The following GRM1 variants were observed in gnomAD, a reference collection of about 807,000 sequenced individuals.
GRM1 encodes the protein metabotropic glutamate receptor 1.
GRM1 carries 33 observed loss-of-function variants against 90.9 expected under a neutral mutation model. The ratio of observed to expected loss-of-function variants is 0.36; its 90% CI spans 0.28 to 0.49. GRM1 has a LOEUF of 0.49. GRM1 is among the 20% of genes least tolerant of loss of function. The pLI is 0.99. For synonymous variants in GRM1, 700 were observed against 613.2 expected (o/e 1.14, Z -2.09); for missense variants, 1,190 against 1,534.3 (o/e 0.78, Z 3.75).
intron 2 of GRM1, among the ~76,000 whole-genome samples, chr6:146,181,109 C>T (rs974073102): frequency 1.3e-5 from 2 of 152,034 alleles, no homozygotes; most frequent in African/African-American, 4.8e-5. Flanking sequence ...CAATAACACA[C>T]CTCAGGTACA....
At chr6:146,257,516 G>GTATATA (rs58614139) in intron 2 of GRM1, among the ~76,000 whole-genome samples, 2 of 149,528 alleles carry the variant, frequency 1.3e-5, no homozygotes, top group Non-Finnish European at 1.5e-5. Flanking sequence ...TAATATGTGT[G>GTATATA]TATATATATA....
chr6:146,063,543 T>G (rs1452230852), intron 1 of GRM1, among the ~76,000 whole-genome samples: 2 of 152,178 alleles, frequency 1.3e-5, no homozygotes, highest in Admixed American at 6.6e-5. Flanking sequence ...TTACTTTTAT[T>G]TTCTTGTTTC....
intron 6 of GRM1, among the ~76,000 whole-genome samples, chr6:146,393,404 G>T (rs928510922): frequency 1.4e-4 from 22 of 151,778 alleles, no homozygotes; most frequent in African/African-American, 5.3e-4. Flanking sequence ...GTAAATTAAA[G>T]TTCCTTGTAG....
At chr6:146,129,525 G>C (rs191538913) in intron 1 of GRM1, among the ~76,000 whole-genome samples, 117 of 152,298 alleles carry the variant, frequency 7.7e-4, no homozygotes, top group African/African-American at 2.7e-3. Flanking sequence ...AGGTGTTACT[G>C]CAGTTCACTG....
intron 2 of GRM1, among the ~76,000 whole-genome samples, chr6:146,232,691 C>A (rs1398756652): frequency 6.6e-6 from 1 of 151,990 alleles, no homozygotes; most frequent in African/African-American, 2.4e-5. Flanking sequence ...ATACCCTTCC[C>A]TTACTAGCAC....
intron 7 of GRM1, among the ~76,000 whole-genome samples, chr6:146,423,025 G>A (rs1778056452): frequency 6.6e-6 from 1 of 150,516 alleles, no homozygotes; most frequent in African/African-American, 2.4e-5. Context: ...AGGAGAGAAG[G>A]GAAAAGAAGA....
intron 5 of GRM1, among the ~76,000 whole-genome samples, chr6:146,384,846 T>A (rs1204252751): frequency 7.2e-5 from 11 of 151,768 alleles, no homozygotes; most frequent in Admixed American, 7.2e-4. Flanking sequence ...ATAACATATC[T>A]AAGAAAAAAA....
At chr6:146,034,522 A>G (rs1473864295) in intron 1 of GRM1, among the ~76,000 whole-genome samples, 1 of 151,982 alleles carries the variant, frequency 6.6e-6, no homozygotes, top group Admixed American at 6.6e-5. Flanking sequence ...GGAGGACTTG[A>G]ATTTTTTCCC....
At chr6:146,315,620 T>C (rs1783939024) in intron 3 of GRM1, among the ~76,000 whole-genome samples, 1 of 152,176 alleles carries the variant, frequency 6.6e-6, no homozygotes, top group African/African-American at 2.4e-5. Flanking sequence ...CCTATATTAA[T>C]CTGGGTCCTA....
chr6:146,209,903 G>C (rs1779627077), intron 2 of GRM1, among the ~76,000 whole-genome samples: 1 of 152,026 alleles, frequency 6.6e-6, no homozygotes, highest in South Asian at 2.1e-4. Context: ...TAAGGGTCTT[G>C]GTGCTCTTAA....
chr6:146,109,274 G>T (rs984698192), intron 1 of GRM1, among the ~76,000 whole-genome samples: 1 of 152,156 alleles, frequency 6.6e-6, no homozygotes, highest in East Asian at 1.9e-4. Context: ...AGGGCTCAGG[G>T]TCCCCATGCT....
intron 2 of GRM1, among the ~76,000 whole-genome samples, chr6:146,274,992 T>C (rs1470220791): frequency 6.6e-6 from 1 of 151,944 alleles, no homozygotes; most frequent in Non-Finnish European, 1.5e-5. Flanking sequence ...ATCGTGCCAC[T>C]GCACTCCAGC....
chr6:146,270,853 CTTTCTT>C lies in GRM1; in HGVS notation c.951-33756_951-33751del, dbSNP rs1562570993. 7.9e-4 allele frequency among the ~76,000 whole-genome samples: 33 copies of C among 41,532 alleles called. 1 individual carries two copies. The highest frequency in any genetic ancestry group is 2.6e-3 in the African/African-American group (31 of 11,810). The allele number at this position is 41,532 out of a possible 152,430, so 27.2% of individuals were successfully genotyped here. A position where few individuals can be genotyped will look rare whatever the true frequency, so the allele number is the denominator to read the frequency against. On this transcript the variant is annotated intron_variant, in intron 2 of 7. Coordinates refer to ENST00000282753, the MANE Select transcript of GRM1 (RefSeq NM_001278064.2). The stretch of plus-strand genomic sequence containing the variant: ...TGCCTGCCTGCCTTTCTTTCTTTTT[CTTTCTT>C]TCTTTCTTTCTTTCTTTCTTTCTTT...
At chr6:146,081,745 G>A (rs929206792) in intron 1 of GRM1, among the ~76,000 whole-genome samples, 4 of 152,126 alleles carry the variant, frequency 2.6e-5, no homozygotes, top group Non-Finnish European at 4.4e-5. Flanking sequence ...GGTGTTGTGC[G>A]AGCTAGGTTG....
chr6:146,108,709 T>G (rs536816799), intron 1 of GRM1, among the ~76,000 whole-genome samples: 1 of 152,144 alleles, frequency 6.6e-6, no homozygotes, highest in East Asian at 1.9e-4. Flanking sequence ...TGGGACAGTT[T>G]GGAGGTCTCA....
At chr6:146,197,190 C>A (rs1779152145) in intron 2 of GRM1, among the ~76,000 whole-genome samples, 1 of 152,260 alleles carries the variant, frequency 6.6e-6, no homozygotes, top group East Asian at 1.9e-4. Context: ...GAGATAAGAT[C>A]AATTTTCAGC....
chr6:146,429,355 C>A (rs989490179), intron 7 of GRM1, among the ~76,000 whole-genome samples: 3 of 152,122 alleles, frequency 2.0e-5, no homozygotes, highest in Admixed American at 2.0e-4. Context: ...TCAGATAGGC[C>A]CCCAAGTTTG....
chr6:146,030,049 T>C lies in GRM1; in HGVS notation c.532T>C (p.Phe178Leu). The change falls in exon 1 of 8, where the codon TTC becomes CTC. Residue 178 changes from phenylalanine to leucine, a missense_variant. Phe to Leu is a conservative substitution (Grantham distance 22, BLOSUM62 0). This residue lies in a region of GRM1 where 46 missense variants were observed against 116.1 expected (regional missense o/e 0.40). Coordinates refer to ENST00000282753, the MANE Select transcript of GRM1 (RefSeq NM_001278064.2). ...AIQVQNLLQL[F>L]DIPQIAYSAT... The stretch of plus-strand genomic sequence containing the variant: ...TCAAGTGCAGAACCTGCTCCAGCTC[T>C]TCGACATCCCCCAGATCGCTTATTC... 1.2e-6 allele frequency: 2 copies of C among 1,614,192 alleles called. No homozygotes were observed. Among genetic ancestry groups the C allele is most frequent in the Non-Finnish European group, 1.7e-6 (2 of 1,180,028 alleles).
chr6:146,352,404 C>T lies in GRM1; in HGVS notation c.1341C>T (p.Gly447=), dbSNP rs746216939. Residue 447 remains glycine, a synonymous_variant, in exon 4 of 8, where the codon GGC becomes GGT. Transcript: ENST00000282753. Reference sequence around the variant, plus strand: ...GCGATGCCATGAAGCCCATCGACGGCAGCAAGCTGCTGGACTTCCTCATCA... The same window carrying T: ...GCGATGCCATGAAGCCCATCGACGGTAGCAAGCTGCTGGACTTCCTCATCA... ...GLCDAMKPID[G]SKLLDFLIKS... 1.1e-5 allele frequency: 18 copies of T among 1,613,948 alleles called. No individual in the cohort carries two copies. The highest frequency in any genetic ancestry group is 1.4e-5 in the Non-Finnish European group (17 of 1,179,888).
Sources: allele counts gnomAD v4.1 joint callset (sites outside exome capture counted in the v4.1 genomes callset), GRCh38; gene constraint gnomAD v4.1.1; regional missense constraint gnomAD v4.1.1; transcripts MANE v1.5; gene names NCBI Gene and HGNC (gene_info 2026-07-23, HGNC 2026-07-21).